Variants in AGO3 observed in about 807,000 individuals in gnomAD.
AGO3 encodes argonaute RISC catalytic component 3.
A neutral mutation model predicts 105.5 loss-of-function variants in AGO3; 16 were observed. The ratio of observed to expected loss-of-function variants is 0.15; its 90% CI spans 0.10 to 0.23. The LOEUF is 0.23. AGO3 is among the 10% of genes least tolerant of loss of function. AGO3 has a pLI of 1.00. For synonymous variants in AGO3, 340 were observed against 367.3 expected (o/e 0.93, Z 0.85); for missense variants, 534 against 1,088.0 (o/e 0.49, Z 7.16).
intron 12 of AGO3, among the ~76,000 whole-genome samples, chr1:36,032,185 G>A (rs1236430282): frequency 1.3e-5 from 2 of 152,116 alleles, no homozygotes; most frequent in Non-Finnish European, 2.9e-5. Context: ...GCGCACAGGA[G>A]TTCCAGTTTC....
Position 36,070,115 on chromosome 1 carries a change from GC to G in AGO3, c.*14372del, listed in dbSNP as rs1643142673. 6.6e-6 allele frequency: 1 copy of G among 152,040 alleles called. No individual in the cohort carries two copies. The highest frequency in any genetic ancestry group is 1.5e-5 in the Non-Finnish European group (1 of 68,002). The allele number at this position is 152,040 out of a possible 1,614,324, so 9.4% of individuals were successfully genotyped here. Reference sequence around the variant, plus strand: ...ATACTTAGAAATTAACTTCGCCTTTGCCTTCAGGCACTTTTGCTACATGTTA... The same window carrying G: ...ATACTTAGAAATTAACTTCGCCTTTGCTTCAGGCACTTTTGCTACATGTTA... On this transcript the variant is annotated 3_prime_UTR_variant, in exon 19 of 19. Coordinates refer to ENST00000373191, the MANE Select transcript of AGO3 (RefSeq NM_024852.4).
At chr1:35,996,241 C>T (rs981247785) in intron 5 of AGO3, among the ~76,000 whole-genome samples, 13 of 151,524 alleles carry the variant, frequency 8.6e-5, no homozygotes, top group African/African-American at 3.2e-4. Flanking sequence ...GAGAAGATTA[C>T]TTGAGCCCAG....
At position 36,066,555 on chromosome 1, in the gene AGO3, C is replaced by T. The variant is rs368658803; in HGVS notation, c.*10810C>T. The T allele has an allele frequency of 1.3e-5, 2 of 151,988 alleles. No homozygotes were observed. Among genetic ancestry groups the T allele is most frequent in the African/African-American group, 4.8e-5 (2 of 41,356 alleles). 9.4% of individuals were successfully genotyped at this position (151,988 alleles called of 1,614,324 possible). On this transcript the variant is annotated 3_prime_UTR_variant, in exon 19 of 19. Transcript: ENST00000373191. ...AGCCTGGGCGACAAGAGTGAAACTCCGTCTCAAAAAATAATAATAATTTTA... is the reference window on the plus strand; with the variant it reads ...AGCCTGGGCGACAAGAGTGAAACTCTGTCTCAAAAAATAATAATAATTTTA...
At chr1:35,960,485 A>C (rs983166665) in intron 2 of AGO3, among the ~76,000 whole-genome samples, 17 of 152,060 alleles carry the variant, frequency 1.1e-4, no homozygotes, top group Non-Finnish European at 1.9e-4. Flanking sequence ...GTCTCAAAAA[A>C]AAATTTTTTT....
intron 5 of AGO3, among the ~76,000 whole-genome samples, chr1:35,998,189 C>T (rs1198259669): frequency 1.3e-5 from 2 of 151,852 alleles, no homozygotes; most frequent in Non-Finnish European, 1.5e-5. Context: ...CCCTAAACTC[C>T]CCTCCTTTCT....
rs1303656403 is a variant in AGO3 at position 35,941,908 on chromosome 1, A to G, written c.20-3784A>G. ...TTGCCTGAGACATAGTCAGAACTTG[A>G]TAAATTTTAGAATTTGTGGATTTTC... is the stretch of plus-strand genomic sequence containing the variant. On this transcript the variant is annotated intron_variant, in intron 1 of 18. Transcript: ENST00000373191. Among the ~76,000 whole-genome samples, 3 of 152,236 alleles carry G rather than the reference A, an allele frequency of 2.0e-5. No homozygotes were observed. In the East Asian group the frequency reaches 5.8e-4, roughly 29 times the overall value.
intron 1 of AGO3, among the ~76,000 whole-genome samples, chr1:35,944,573 A>G (rs1646325780): frequency 7.7e-6 from 1 of 130,172 alleles, no homozygotes; most frequent in African/African-American, 3.1e-5. Flanking sequence ...TTTTGGTAAG[A>G]CAGAGCCTCA....
intron 5 of AGO3, among the ~76,000 whole-genome samples, chr1:35,980,243 A>G (rs543516579): frequency 2.0e-5 from 3 of 152,012 alleles, no homozygotes; most frequent in African/African-American, 7.2e-5. Flanking sequence ...TGCTCTTTAT[A>G]ATTTTATTCT....
intron 2 of AGO3, among the ~76,000 whole-genome samples, chr1:35,955,057 G>T (rs1646539885): frequency 6.6e-6 from 1 of 152,224 alleles, no homozygotes; most frequent in South Asian, 2.1e-4. Context: ...AAATAGAGTA[G>T]CTAGAGATGA....
chr1:36,030,098 A>T (rs1048437919), intron 12 of AGO3, among the ~76,000 whole-genome samples: 12 of 152,254 alleles, frequency 7.9e-5, no homozygotes, highest in Admixed American at 6.5e-4. Context: ...GTTTATTATT[A>T]GTTAAATAAA....
At chr1:36,004,948 T>G (rs1024185209) in intron 6 of AGO3, among the ~76,000 whole-genome samples, 2 of 152,308 alleles carry the variant, frequency 1.3e-5, no homozygotes, top group African/African-American at 4.8e-5. Context: ...TCTAGAATTA[T>G]AGTTATTTAA....
At chr1:36,032,445 G>C (rs1376299440) in intron 12 of AGO3, among the ~76,000 whole-genome samples, 1 of 151,928 alleles carries the variant, frequency 6.6e-6, no homozygotes, top group East Asian at 1.9e-4. Flanking sequence ...GCAATGACAC[G>C]ATCATAGTTC....
intron 5 of AGO3, chr1:35,982,789 A>G: frequency 1.7e-6 from 1 of 586,210 alleles, no homozygotes. Context: ...AACCATGTCC[A>G]GAAAAAAAAA....
At chr1:35,936,574 G>A (rs187559254) in intron 1 of AGO3, among the ~76,000 whole-genome samples, 3 of 152,094 alleles carry the variant, frequency 2.0e-5, no homozygotes, top group South Asian at 2.1e-4. Flanking sequence ...CACTCACCTC[G>A]GCCTCCCAGA....
Position 36,033,642 on chromosome 1 carries a change from CAA to C in AGO3, c.1592-517_1592-516del, listed in dbSNP as rs10717828. Among the ~76,000 whole-genome samples, 442 of 131,542 alleles carry C rather than the reference CAA, an allele frequency of 3.4e-3. 2 individuals are homozygous for C. Among genetic ancestry groups the C allele is most frequent in the African/African-American group, 5.5e-3 (193 of 35,220 alleles). The allele number at this position is 131,542 out of a possible 152,430, so 86.3% of individuals were successfully genotyped here. A position where few individuals can be genotyped will look rare whatever the true frequency, so the allele number is the denominator to read the frequency against. Reference sequence around the variant, plus strand: ...CCTGGGTGACAGAGTGAGATCCTCTCAAAAAAAAAAAAAAAAGTTATATACAC... The same window carrying C: ...CCTGGGTGACAGAGTGAGATCCTCTCAAAAAAAAAAAAAAGTTATATACAC... On this transcript the variant is annotated intron_variant, in intron 12 of 18. Transcript: ENST00000373191.
At position 36,057,371 on chromosome 1, in the gene AGO3, CACAT is replaced by C; in HGVS notation, c.*1628_*1631del. 6.6e-6 allele frequency: 1 copy of C among 151,826 alleles called. No homozygotes were observed. The highest frequency in any genetic ancestry group is 1.9e-4 in the East Asian group (1 of 5,182). The allele number at this position is 151,826 out of a possible 1,614,324, so 9.4% of individuals were successfully genotyped here. ...ATATATGTATGTGTGTGTATATAAA[CACAT>C]ATGTATGTGTTTGGAAGTATAGCTT... On this transcript the variant is annotated 3_prime_UTR_variant, in exon 19 of 19. Coordinates refer to ENST00000373191, the MANE Select transcript of AGO3 (RefSeq NM_024852.4).
chr1:35,958,739 T>C lies in AGO3; in HGVS notation c.192-8216T>C, dbSNP rs1571432223. ...TAAACTTTATCTTGTTGCACAAGTA[T>C]TTATTGGCTACCTTCTCTGCTAGTA... On this transcript the variant is annotated intron_variant, in intron 2 of 18. Transcript: ENST00000373191. 1.3e-5 allele frequency among the ~76,000 whole-genome samples: 2 copies of C among 152,214 alleles called. 1 individual carries two copies. The highest frequency in any genetic ancestry group is 3.8e-4 in the East Asian group (2 of 5,200).
At chr1:35,992,529 A>G (rs544327201) in intron 5 of AGO3, among the ~76,000 whole-genome samples, 5 of 152,034 alleles carry the variant, frequency 3.3e-5, no homozygotes. Context: ...TTTTAAATTC[A>G]TAGTTACAGT....
chr1:35,982,254 C>A (rs1461417989), intron 5 of AGO3, among the ~76,000 whole-genome samples: 2 of 151,992 alleles, frequency 1.3e-5, no homozygotes, highest in Non-Finnish European at 2.9e-5. Context: ...ATAGTGAGAC[C>A]CCATCTCTAT....
Sources: allele counts gnomAD v4.1 joint callset (sites outside exome capture counted in the v4.1 genomes callset), GRCh38; gene constraint gnomAD v4.1.1; transcripts MANE v1.5; gene names NCBI Gene and HGNC (gene_info 2026-07-23, HGNC 2026-07-21).